Variants in PKD2L2 observed in about 807,000 individuals in gnomAD.
PKD2L2 encodes polycystin-2-like protein 2.
In PKD2L2, 67 loss-of-function variants were observed where a neutral mutation model predicts 83.9. The ratio of observed to expected loss-of-function variants is 0.80; its 90% CI spans 0.66 to 0.98. The LOEUF is 0.98. PKD2L2 is among the 50% of genes least tolerant of loss of function. The pLI is 0.00. For missense variants in PKD2L2, 632 were observed against 717.2 expected (o/e 0.88, Z 1.36); for synonymous variants, 223 against 237.8 (o/e 0.94, Z 0.57).
chr5:137,912,959 C>T (rs534444896), intron 8 of PKD2L2, among the ~76,000 whole-genome samples: 17 of 151,582 alleles, frequency 1.1e-4, no homozygotes, highest in Non-Finnish European at 2.2e-4. Flanking sequence ...CATGCACCAC[C>T]ACGGCCGGCT....
intron 8 of PKD2L2, among the ~76,000 whole-genome samples, chr5:137,913,936 C>T (rs1449621171): frequency 1.3e-5 from 2 of 148,472 alleles, no homozygotes; most frequent in African/African-American, 2.5e-5. Flanking sequence ...GGTGTGATCC[C>T]GACTCACTGC....
chr5:137,940,066 T>G (rs1181112545), intron 14 of PKD2L2: 1 of 1,613,934 alleles, frequency 6.2e-7, no homozygotes, highest in African/African-American at 1.3e-5. Context: ...GCCTACTTAC[T>G]CTCCCATCAT....
intron 12 of PKD2L2, among the ~76,000 whole-genome samples, chr5:137,929,534 CAAAA>C (rs756601170): frequency 8.7e-4 from 3 of 3,438 alleles, no homozygotes; most frequent in Admixed American, 6.8e-3. Context: ...ACAAAATTGC[CAAAA>C]AAAAAAAAAA....
chr5:137,933,743 A>G (rs768912027), intron 12 of PKD2L2, among the ~76,000 whole-genome samples: 6 of 152,210 alleles, frequency 3.9e-5, no homozygotes, highest in Non-Finnish European at 8.8e-5. Flanking sequence ...ACATCTAAGT[A>G]TTAAGAGGCA....
chr5:137,912,311 A>G (rs1757903422), intron 8 of PKD2L2, among the ~76,000 whole-genome samples: 2 of 152,194 alleles, frequency 1.3e-5, no homozygotes, highest in Admixed American at 1.3e-4. Context: ...ATCCTTGATA[A>G]CACTTGTTAT....
At chr5:137,920,089 T>C (rs1345582061) in intron 8 of PKD2L2, among the ~76,000 whole-genome samples, 3 of 152,034 alleles carry the variant, frequency 2.0e-5, no homozygotes, top group Non-Finnish European at 4.4e-5. Context: ...TCCCAGCTAC[T>C]CAAGAGAGGC....
At chr5:137,909,527 G>A (rs1334584056) in intron 8 of PKD2L2, among the ~76,000 whole-genome samples, 1 of 143,818 alleles carries the variant, frequency 7.0e-6, no homozygotes, top group Non-Finnish European at 1.5e-5. Context: ...TTTATTCTCT[G>A]GACAAAAGAA....
At chr5:137,923,641 C>A (rs892870693) in intron 10 of PKD2L2, 120 bp downstream of exon 10, 7 of 663,420 alleles carry the variant, frequency 1.1e-5, no homozygotes, top group East Asian at 2.8e-5. Flanking sequence ...CACCCCATCC[C>A]ATCCCCAGGG....
chr5:137,892,818 A>T (rs1007310428), intron 3 of PKD2L2, among the ~76,000 whole-genome samples: 17 of 152,140 alleles, frequency 1.1e-4, no homozygotes, highest in African/African-American at 4.1e-4. Context: ...TTTTTAAAAA[A>T]TTTTTTTGGC....
chr5:137,894,316 A>C lies in PKD2L2; in HGVS notation c.268-37A>C, dbSNP rs765796059. The C allele has an allele frequency of 2.1e-5, 32 of 1,547,134 alleles. No individual in the cohort carries two copies. The South Asian group carries it at 3.6e-4, about 17-fold the overall frequency. On this transcript the variant is annotated intron_variant, in intron 3 of 14. Coordinates refer to ENST00000508883, the MANE Select transcript of PKD2L2 (RefSeq NM_001300921.2). ...TGAATGTAGATTCTGTTGACATGAA[A>C]ATATTTTTCCCATGACATTTGTTTT...
At position 137,920,756 on chromosome 5, in the gene PKD2L2, T is replaced by TAA. The variant is rs11455899; in HGVS notation, c.1329-866_1329-865dup. On this transcript the variant is annotated intron_variant, in intron 8 of 14. Coordinates refer to ENST00000508883, the MANE Select transcript of PKD2L2 (RefSeq NM_001300921.2). ...TGGGCGACAAGAGCGAAACTCCATC[T>TAA]AAAAAAAAAAAAAAATCACAAAGAG... Among the ~76,000 whole-genome samples the TAA allele has an allele frequency of 3.6e-3, 522 of 143,782 alleles. 2 individuals are homozygous for TAA. The highest frequency in any genetic ancestry group is 0.018 in the South Asian group (81 of 4,452). The allele number at this position is 143,782 out of a possible 152,430, so 94.3% of individuals were successfully genotyped here.
intron 4 of PKD2L2, among the ~76,000 whole-genome samples, chr5:137,896,041 G>A (rs1370580206): frequency 6.6e-6 from 1 of 152,014 alleles, no homozygotes; most frequent in Non-Finnish European, 1.5e-5. Flanking sequence ...GCCAAGCATG[G>A]TGGCACATGC....
At chr5:137,900,456 A>G (rs760055923) in intron 5 of PKD2L2, among the ~76,000 whole-genome samples, 2 of 152,242 alleles carry the variant, frequency 1.3e-5, no homozygotes, top group Non-Finnish European at 2.9e-5. Context: ...AAATATCATG[A>G]CATTGAAAGA....
At chr5:137,901,993 A>G (rs1756998545) in intron 5 of PKD2L2, among the ~76,000 whole-genome samples, 1 of 151,872 alleles carries the variant, frequency 6.6e-6, no homozygotes. Flanking sequence ...AGAGATGTGG[A>G]TATGGAAAAA....
chr5:137,935,360 A>AG (rs957899717), intron 12 of PKD2L2, among the ~76,000 whole-genome samples: 2 of 152,172 alleles, frequency 1.3e-5, no homozygotes, highest in African/African-American at 2.4e-5. Flanking sequence ...AATTACAAAG[A>AG]GGGGGTTTTG....
At chr5:137,931,935 T>C (rs979972975) in intron 12 of PKD2L2, among the ~76,000 whole-genome samples, 2 of 152,216 alleles carry the variant, frequency 1.3e-5, no homozygotes, top group South Asian at 2.1e-4. Flanking sequence ...AAATGTCATA[T>C]ATGCAAACAT....
intron 8 of PKD2L2, among the ~76,000 whole-genome samples, chr5:137,920,905 A>T (rs1758837320): frequency 6.6e-6 from 1 of 152,232 alleles, no homozygotes; most frequent in Non-Finnish European, 1.5e-5. Flanking sequence ...AATTCACTTC[A>T]CTGACATTAG....
At chr5:137,906,032 T>C (rs1246924591) in intron 5 of PKD2L2, among the ~76,000 whole-genome samples, 174 bp from the exon 6 acceptor site, 1 of 152,106 alleles carries the variant, frequency 6.6e-6, no homozygotes, top group Non-Finnish European at 1.5e-5. Context: ...CACTATGAAA[T>C]AGGTAAATCT....
In PKD2L2 at chr5:137,906,403, T is replaced by G; in HGVS notation, c.944T>G (p.Ile315Ser). 6.2e-7 allele frequency: 1 copy of G among 1,607,652 alleles called. No homozygotes were observed. The highest frequency in any genetic ancestry group is 8.5e-7 in the Non-Finnish European group (1 of 1,175,120). Reference sequence around the variant, plus strand: ...TTTAAGTCTGCCTATTTCAAAAGTATTTGGAACTGGCTAGAATTGCTACTT... The same window carrying G: ...TTTAAGTCTGCCTATTTCAAAAGTAGTTGGAACTGGCTAGAATTGCTACTT... ...KEFKSAYFKS[I>S]WNWLELLLLL... The change falls in exon 6 of 15, where the codon ATT becomes AGT. Residue 315 changes from isoleucine (I) to serine (S), a missense_variant. By Grantham distance (142) the Ile-to-Ser change is moderately radical. Around this residue, in one of 3 missense-constraint regions of PKD2L2, gnomAD observed 399 missense variants for 416.9 expected, o/e 0.96. Coordinates refer to ENST00000508883, the MANE Select transcript of PKD2L2 (RefSeq NM_001300921.2).
Sources: allele counts gnomAD v4.1 joint callset (sites outside exome capture counted in the v4.1 genomes callset), GRCh38; gene constraint gnomAD v4.1.1; regional missense constraint gnomAD v4.1.1; transcripts MANE v1.5; gene names NCBI Gene and HGNC (gene_info 2026-07-23, HGNC 2026-07-21).